CNTN1: variants seen among roughly 807,000 people sequenced by gnomAD.
CNTN1 encodes contactin 1.
CNTN1 carries 38 observed loss-of-function variants against 126.4 expected under a neutral mutation model. That is an observed-to-expected ratio of 0.30 (90% CI 0.23 to 0.39). The LOEUF (loss-of-function observed/expected upper bound fraction) is 0.39. CNTN1 is among the 10% of genes least tolerant of loss of function. The probability of loss-of-function intolerance (pLI) is 1.00; values close to 1 mark genes in which losing one functional copy is unlikely to be tolerated. For synonymous variants in CNTN1, 413 were observed against 422.6 expected (o/e 0.98, Z 0.28); for missense variants, 1,009 against 1,248.4 (o/e 0.81, Z 2.89).
intron 1 of CNTN1, among the ~76,000 whole-genome samples, chr12:40,720,086 C>A (rs1592008866): frequency 7.1e-6 from 1 of 141,298 alleles, no homozygotes; most frequent in Admixed American, 7.2e-5. Context: ...CTCCTGACCT[C>A]GTGCTCTGCC....
Position 41,054,895 on chromosome 12 carries a change from G to A in CNTN1, c.2981-15064G>A, listed in dbSNP as rs111667105. ...AGCTCTGCTGCATGGTCAATGAACA[G>A]TATGTCATTTGTGGTTTATCGTCAG... On this transcript the variant is annotated intron_variant, in intron 23 of 23. Coordinates refer to ENST00000551295, the MANE Select transcript of CNTN1 (RefSeq NM_001843.4). Among the ~76,000 whole-genome samples the A allele has an allele frequency of 3.9e-3, 601 of 152,212 alleles. 6 individuals are homozygous for A. The highest frequency in any genetic ancestry group is 0.014 in the African/African-American group (578 of 41,550).
chr12:40,747,989 G>A (rs1176768983), intron 1 of CNTN1, among the ~76,000 whole-genome samples: 1 of 152,102 alleles, frequency 6.6e-6, no homozygotes, highest in Admixed American at 6.5e-5. Context: ...CCCACATTGT[G>A]GAGGGCATAA....
chr12:41,002,845 C>T (rs1948400117), intron 17 of CNTN1, among the ~76,000 whole-genome samples: 2 of 152,140 alleles, frequency 1.3e-5, no homozygotes, highest in Non-Finnish European at 1.5e-5. Flanking sequence ...GCATGAGCTG[C>T]TGCACCTGGC....
intron 1 of CNTN1, among the ~76,000 whole-genome samples, chr12:40,892,573 C>T (rs10879332): frequency 0.69 from 104,706 of 151,924 alleles, 36,771 homozygotes; most frequent in African/African-American, 0.84. Context: ...CAATCATTAT[C>T]ACTGGCATAT....
chr12:40,853,994 A>G (rs1942811190), intron 1 of CNTN1, among the ~76,000 whole-genome samples: 1 of 149,550 alleles, frequency 6.7e-6, no homozygotes, highest in African/African-American at 2.5e-5. Flanking sequence ...ATATTTTCTC[A>G]GCTTTTTTCA....
At chr12:41,059,515 G>A (rs1182241409) in intron 23 of CNTN1, among the ~76,000 whole-genome samples, 7 of 152,178 alleles carry the variant, frequency 4.6e-5, no homozygotes, top group South Asian at 2.1e-4. Context: ...CAGCCAGGAT[G>A]TAGAGGAAAT....
At chr12:40,707,778 A>G (rs916915827) in intron 1 of CNTN1, among the ~76,000 whole-genome samples, 1 of 152,206 alleles carries the variant, frequency 6.6e-6, no homozygotes, top group African/African-American at 2.4e-5. Context: ...AATAAAAAAT[A>G]CTTTGAAGTC....
chr12:40,748,649 G>C (rs1162117556), intron 1 of CNTN1, among the ~76,000 whole-genome samples: 1 of 151,912 alleles, frequency 6.6e-6, no homozygotes, highest in African/African-American at 2.4e-5. Flanking sequence ...TAGAACTTTG[G>C]CTTTTATCCT....
chr12:40,777,792 T>C (rs962108808), intron 1 of CNTN1, among the ~76,000 whole-genome samples: 1 of 151,818 alleles, frequency 6.6e-6, no homozygotes, highest in Admixed American at 6.6e-5. Flanking sequence ...ACCTTGGTAA[T>C]ATACTCAACA....
chr12:40,705,299 A>G (rs1941709775), intron 1 of CNTN1, among the ~76,000 whole-genome samples: 1 of 152,178 alleles, frequency 6.6e-6, no homozygotes, highest in Non-Finnish European at 1.5e-5. Flanking sequence ...CTTGCAGTTG[A>G]CACCACTATT....
chr12:40,698,516 G>T (rs892958991), intron 1 of CNTN1, among the ~76,000 whole-genome samples: 1 of 151,914 alleles, frequency 6.6e-6, no homozygotes, highest in Non-Finnish European at 1.5e-5. Flanking sequence ...GATTACAGGC[G>T]TGAGCCACCA....
At chr12:40,922,918 C>G (rs1358383357) in intron 5 of CNTN1, among the ~76,000 whole-genome samples, 8 of 146,642 alleles carry the variant, frequency 5.5e-5, no homozygotes, top group African/African-American at 2.0e-4. Flanking sequence ...TTGCAGTAAG[C>G]CGAGATTGTG....
intron 1 of CNTN1, among the ~76,000 whole-genome samples, chr12:40,763,981 G>A (rs564916525): frequency 1.4e-4 from 22 of 152,184 alleles, no homozygotes; most frequent in African/African-American, 4.8e-4. Flanking sequence ...AGATGGGGGC[G>A]GAAATAGCAT....
intron 1 of CNTN1, among the ~76,000 whole-genome samples, chr12:40,825,581 C>T (rs891364518): frequency 6.6e-6 from 1 of 152,196 alleles, no homozygotes; most frequent in East Asian, 1.9e-4. Context: ...TTGGAAAGAT[C>T]GTTTAAGTGT....
intron 1 of CNTN1, among the ~76,000 whole-genome samples, chr12:40,717,401 C>G (rs1198404308): frequency 6.6e-6 from 1 of 152,076 alleles, no homozygotes; most frequent in African/African-American, 2.4e-5. Context: ...ACATAAAGGG[C>G]TTTGAAGAAT....
intron 1 of CNTN1, among the ~76,000 whole-genome samples, chr12:40,719,013 T>A (rs969050213): frequency 1.1e-4 from 17 of 152,142 alleles, no homozygotes; most frequent in African/African-American, 4.1e-4. Flanking sequence ...GATTTTTTTT[T>A]AACAGAGGCT....
At chr12:40,711,592 A>G (rs779876683) in intron 1 of CNTN1, among the ~76,000 whole-genome samples, 1 of 152,054 alleles carries the variant, frequency 6.6e-6, no homozygotes, top group Non-Finnish European at 1.5e-5. Flanking sequence ...AACTCTCCTT[A>G]AACTTTTGCA....
intron 23 of CNTN1, among the ~76,000 whole-genome samples, chr12:41,034,270 G>A (rs1566184980): frequency 6.6e-6 from 1 of 152,004 alleles, no homozygotes; most frequent in Non-Finnish European, 1.5e-5. Context: ...TAATATTTTT[G>A]TTAACTCCAA....
At chr12:40,962,890 A>C (rs1396376276) in intron 15 of CNTN1, among the ~76,000 whole-genome samples, 4 of 152,110 alleles carry the variant, frequency 2.6e-5, no homozygotes. Flanking sequence ...AACTTTGGCA[A>C]CATTTCTGTT....
Sources: gnomAD v4.1 joint callset for allele counts (sites outside exome capture counted in the v4.1 genomes callset) on GRCh38, gnomAD v4.1.1 for gene constraint, MANE v1.5 for transcripts, NCBI Gene and HGNC (gene_info 2026-07-23, HGNC 2026-07-21) for gene names.